The following SUFU variants were observed in gnomAD, a reference collection of about 807,000 sequenced individuals.
SUFU encodes the protein suppressor of fused homolog.
Under a neutral mutation model 58.9 loss-of-function variants are expected in SUFU, and 7 were observed. The observed-to-expected ratio is 0.12, with a 90% CI of 0.07 to 0.22. The LOEUF (loss-of-function observed/expected upper bound fraction) is 0.22. SUFU is among the 10% of genes least tolerant of loss of function. The pLI is 1.00. For synonymous variants in SUFU, 232 were observed against 254.8 expected, an observed-to-expected ratio of 0.91 and a Z score of 0.85; for missense variants, 451 against 641.3, an observed-to-expected ratio of 0.70 and a Z score of 3.20.
At chr10:102,518,565 G>C (rs1441030081) in intron 2 of SUFU, among the ~76,000 whole-genome samples, 2 of 66,710 alleles carry the variant, frequency 3.0e-5, no homozygotes, top group Non-Finnish European at 6.6e-5. Flanking sequence ...ATTTATTTTT[G>C]ACACAGGGCC....
At chr10:102,603,611 G>A (rs1036480193) in intron 8 of SUFU, among the ~76,000 whole-genome samples, 1 of 152,164 alleles carries the variant, frequency 6.6e-6, no homozygotes. Flanking sequence ...CACACCAGCA[G>A]CTTTTAAGAC....
chr10:102,614,646 C>T (rs1022030103), intron 8 of SUFU, among the ~76,000 whole-genome samples: 12 of 147,220 alleles, frequency 8.2e-5, no homozygotes, highest in East Asian at 2.1e-4. Flanking sequence ...GAGGCCAGGA[C>T]GGGCAGATCA....
chr10:102,622,333 C>A (rs953447031), intron 10 of SUFU, among the ~76,000 whole-genome samples: 1 of 152,158 alleles, frequency 6.6e-6, no homozygotes, highest in Non-Finnish European at 1.5e-5. Flanking sequence ...TGGCCAGGTG[C>A]GGTGGCTCAC....
intron 2 of SUFU, among the ~76,000 whole-genome samples, chr10:102,546,791 G>A (rs1271450503): frequency 6.6e-6 from 1 of 152,244 alleles, no homozygotes; most frequent in African/African-American, 2.4e-5. Context: ...CAGCCAGCCC[G>A]TGGGTGGTAA....
rs2135881015 is a variant in SUFU, at chr10:102,597,129, T to C, written c.757-11T>C. 6.2e-7 allele frequency: 1 copy of C among 1,613,968 alleles called. No individual in the cohort carries two copies. The highest frequency in any genetic ancestry group is 2.2e-5 in the East Asian group (1 of 44,856). ...TGAAAGAACTCTGGCTCTTTGGTTC[T>C]TTTCAAGCAGGAGAGAGTTGACAAA... On this transcript the variant is annotated splice_polypyrimidine_tract_variant and intron_variant, in intron 6 of 11. Coordinates refer to ENST00000369902, the MANE Select transcript of SUFU (RefSeq NM_016169.4).
chr10:102,593,573 C>G, intron 4 of SUFU, 63 bp from the exon 5 acceptor site: 1 of 1,554,098 alleles, frequency 6.4e-7, no homozygotes, highest in Non-Finnish European at 8.9e-7. Flanking sequence ...GCCTGGGTAG[C>G]TGACCTTCTT....
intron 3 of SUFU, among the ~76,000 whole-genome samples, chr10:102,551,564 G>A (rs1417012879): frequency 6.6e-6 from 1 of 151,634 alleles, no homozygotes; most frequent in African/African-American, 2.4e-5. Flanking sequence ...CTTGAACGCG[G>A]GAGGCAGATG....
At chr10:102,627,290 C>A in intron 11 of SUFU, 47 bp downstream of exon 11, 1 of 1,548,292 alleles carries the variant, frequency 6.5e-7, no homozygotes, top group South Asian at 1.1e-5. Context: ...TCTCTGGGAC[C>A]ATGTGTGTGC....
chr10:102,615,417 C>T lies in SUFU; in HGVS notation c.1157+15C>T. 2.5e-6 allele frequency: 4 copies of T among 1,613,926 alleles called. No individual in the cohort carries two copies. The highest frequency in any genetic ancestry group is 3.4e-6 in the Non-Finnish European group (4 of 1,179,876). ...CTCTGCCTAAGGTGAGCGAGACAGC[C>T]CTGCCACACAGTTTACCCCACAGCA... On this transcript the variant is annotated intron_variant, in intron 9 of 11. Transcript: ENST00000369902.
chr10:102,546,101 G>A (rs2062851919), intron 2 of SUFU, among the ~76,000 whole-genome samples: 1 of 152,180 alleles, frequency 6.6e-6, no homozygotes, highest in Admixed American at 6.5e-5. Flanking sequence ...AGTTCTGATG[G>A]TCAGGCTGTT....
At chr10:102,563,292 T>C (rs2063057276) in intron 3 of SUFU, among the ~76,000 whole-genome samples, 2 of 152,068 alleles carry the variant, frequency 1.3e-5, no homozygotes, top group Admixed American at 6.6e-5. Context: ...GAGACAGACA[T>C]TGAAAAAATA....
At chr10:102,609,035 A>C (rs1056999015) in intron 8 of SUFU, among the ~76,000 whole-genome samples, 1 of 152,234 alleles carries the variant, frequency 6.6e-6, no homozygotes, top group African/African-American at 2.4e-5. Context: ...CCGGAAGAAA[A>C]GACCACTCAA....
In SUFU at chr10:102,631,715, C is replaced by G. The variant is rs561601567; in HGVS notation, c.*1560C>G. The G allele has an allele frequency of 7.5e-4, 174 of 233,500 alleles. 1 individual carries two copies. Among genetic ancestry groups the G allele is most frequent in the African/African-American group, 3.4e-3 (155 of 45,474 alleles). The allele number at this position is 233,500 out of a possible 1,614,324, so 14.5% of individuals were successfully genotyped here. On this transcript the variant is annotated 3_prime_UTR_variant, in exon 12 of 12. Coordinates refer to ENST00000369902, the MANE Select transcript of SUFU (RefSeq NM_016169.4). ...AGAGCTGCCCCCAGGGGTATGAGGG[C>G]ACCAGCTGGGTTCTCCAGGGAGCAG...
At chr10:102,602,514 G>T (rs1228353142) in intron 8 of SUFU, among the ~76,000 whole-genome samples, 1 of 152,194 alleles carries the variant, frequency 6.6e-6, no homozygotes, top group Non-Finnish European at 1.5e-5. Context: ...CCTATGAGAT[G>T]CCATGAGCCT....
intron 2 of SUFU, among the ~76,000 whole-genome samples, chr10:102,542,830 G>T (rs1334985346): frequency 6.6e-6 from 1 of 152,008 alleles, no homozygotes; most frequent in Non-Finnish European, 1.5e-5. Flanking sequence ...TCGCCATGTT[G>T]CCCAGCCTGG....
chr10:102,577,842 G>A (rs1369385297), intron 3 of SUFU, among the ~76,000 whole-genome samples: 2 of 150,592 alleles, frequency 1.3e-5, no homozygotes, highest in Non-Finnish European at 3.0e-5. Flanking sequence ...CACCATGCCC[G>A]GCTAATTTTT....
intron 3 of SUFU, among the ~76,000 whole-genome samples, chr10:102,590,582 TGC>T (rs1394555178): frequency 1.3e-5 from 2 of 152,218 alleles, no homozygotes; most frequent in African/African-American, 4.8e-5. Flanking sequence ...GTCTTACCTT[TGC>T]TTTTCATATC....
At chr10:102,534,901 T>C (rs899793566) in intron 2 of SUFU, among the ~76,000 whole-genome samples, 1 of 152,124 alleles carries the variant, frequency 6.6e-6, no homozygotes, top group Non-Finnish European at 1.5e-5. Context: ...CCTATGCCTG[T>C]TGGAGACATG....
chr10:102,559,387 C>T (rs1037994693), intron 3 of SUFU, among the ~76,000 whole-genome samples: 2 of 152,214 alleles, frequency 1.3e-5, no homozygotes, highest in African/African-American at 4.8e-5. Context: ...CTAAGAAGCC[C>T]CAGCCCTGCC....
Sources: allele counts gnomAD v4.1 joint callset (sites outside exome capture counted in the v4.1 genomes callset), GRCh38; gene constraint gnomAD v4.1.1; transcripts MANE v1.5; gene names NCBI Gene and HGNC (gene_info 2026-07-23, HGNC 2026-07-21).